AMY2A: variants seen among roughly 807,000 people sequenced by gnomAD.
AMY2A encodes amylase alpha 2A, also known as pancreatic alpha-amylase.
A neutral mutation model predicts 43.0 loss-of-function variants in AMY2A; 16 were observed. The ratio of observed to expected loss-of-function variants is 0.37; its 90% CI spans 0.25 to 0.56. The LOEUF is 0.56. AMY2A is among the 20% of genes least tolerant of loss of function. The pLI is 0.77. For missense variants in AMY2A, 212 were observed against 456.8 expected, an observed-to-expected ratio of 0.46 and a Z score of 4.89; for synonymous variants, 70 against 144.6, an observed-to-expected ratio of 0.48 and a Z score of 3.70.
At chr1:103,617,229 A>T (rs956759426), upstream of AMY2A, 1 of 1,171,798 alleles carries the variant, frequency 8.5e-7, no homozygotes. Flanking sequence ...CCTAAGAAAA[A>T]CATTAATATC....
At chr1:103,619,926 C>T in intron 4 of AMY2A, 142 bp downstream of exon 4, 1 of 1,433,018 alleles carries the variant, frequency 7.0e-7, no homozygotes. Flanking sequence ...CTCTTCTTCA[C>T]ATACAGCATA....
upstream of AMY2A, chr1:103,617,053 T>C: frequency 1.0e-6 from 1 of 989,776 alleles, no homozygotes; most frequent in Non-Finnish European, 1.3e-6. Context: ...GGTTCGCATT[T>C]ATACCTGTAA....
At position 103,618,845 on chromosome 1, in the gene AMY2A, C is replaced by A. The variant is rs1305531385; in HGVS notation, c.316-66C>A. ...GTTTTATTAACATACTATAAACTTG[C>A]ATCAATAATGCTTTAAATTTCTACC... On this transcript the variant is annotated intron_variant, in intron 2 of 9. Coordinates refer to ENST00000414303, the MANE Select transcript of AMY2A (RefSeq NM_000699.4). 40 of 613,670 alleles carry A rather than the reference C, an allele frequency of 6.5e-5. 5 individuals carry two copies. Among genetic ancestry groups the A allele is most frequent in the Non-Finnish European group, 1.1e-4 (38 of 341,730 alleles). 38.0% of individuals were successfully genotyped at this position (613,670 alleles called of 1,614,324 possible).
chr1:103,617,216 G>T (rs1377158523), upstream of AMY2A, among the ~76,000 whole-genome samples: 1 of 150,564 alleles, frequency 6.6e-6, no homozygotes, highest in African/African-American at 2.4e-5. Context: ...AGTGCTGCCA[G>T]AACCTAAGAA....
chr1:103,618,972 C>T lies in AMY2A; in HGVS notation c.377C>T (p.Thr126Ile), dbSNP rs1466103196. ...TGTGGTAACGCTGTGAGTGCAGGAA[C>T]AAGCAGTACCTGTGGAAGTTACTTC... Reference protein sequence around the residue: ...HMCGNAVSAGTSSTCGSYFNP... With the variant: ...HMCGNAVSAGISSTCGSYFNP... Residue 126 changes from threonine (T) to isoleucine (I), a missense_variant, in exon 3 of 10, where the codon ACA becomes ATA. Thr to Ile is a moderately conservative substitution (Grantham distance 89, BLOSUM62 -1). Coordinates refer to ENST00000414303, the MANE Select transcript of AMY2A (RefSeq NM_000699.4). The T allele has an allele frequency of 7.1e-7, 1 of 1,415,154 alleles. No individual in the cohort carries two copies. The highest frequency in any genetic ancestry group is 1.4e-5 in the South Asian group (1 of 74,060). The allele number at this position is 1,415,154 out of a possible 1,614,324, so 87.7% of individuals were successfully genotyped here. A position where few individuals can be genotyped will look rare whatever the true frequency, so the allele number is the denominator to read the frequency against.
intron 7 of AMY2A, among the ~76,000 whole-genome samples, chr1:103,623,337 G>T (rs1483276716): frequency 7.4e-6 from 1 of 134,402 alleles, no homozygotes; most frequent in Non-Finnish European, 1.6e-5. Context: ...TGCAGGCCAG[G>T]TGCAGTGGCT....
At position 103,617,561 on chromosome 1, in the gene AMY2A, C is replaced by A; in HGVS notation, c.121C>A (p.Leu41Ile). The A allele has an allele frequency of 1.2e-6, 2 of 1,600,786 alleles. No individual in the cohort carries two copies. The highest frequency in any genetic ancestry group is 1.7e-6 in the Non-Finnish European group (2 of 1,170,858). ...TGAATGGCGATGGGTTGATATTGCT[C>A]TTGAATGTGAGCGATATTTAGCTCC... ...LFEWRWVDIA[L>I]ECERYLAPKG... Residue 41 changes from leucine to isoleucine, a missense_variant, in exon 1 of 10, where the codon CTT becomes ATT. Coordinates refer to ENST00000414303, the MANE Select transcript of AMY2A (RefSeq NM_000699.4).
chr1:103,624,922 A>T lies in AMY2A; in HGVS notation c.1347-635A>T, dbSNP rs1451415734. On this transcript the variant is annotated intron_variant, in intron 9 of 9. Transcript: ENST00000414303. ...TTGTCCCTGTCCAAGACCAACTGAC[A>T]CTCATACTTAGCTCACTCTAGTATA... Among the ~76,000 whole-genome samples the T allele has an allele frequency of 4.6e-5, 6 of 131,312 alleles. 2 individuals are homozygous for T. Among genetic ancestry groups the T allele is most frequent in the South Asian group, 2.3e-4 (1 of 4,422 alleles). 86.1% of individuals were successfully genotyped at this position (131,312 alleles called of 152,430 possible).
intron 1 of AMY2A, 107 bp downstream of exon 1, chr1:103,617,715 A>C: frequency 6.3e-7 from 1 of 1,578,116 alleles, no homozygotes; most frequent in Non-Finnish European, 8.6e-7. Flanking sequence ...ACAGGTAAGT[A>C]TTCTAAGTAA....
chr1:103,618,188 T>C lies in AMY2A; in HGVS notation c.315+88T>C. On this transcript the variant is annotated intron_variant, in intron 2 of 9. Transcript: ENST00000414303. ...CTTGCTCCTTTTCAGCAGAAAATTT[T>C]CCGTATTTTATTTTTTTAATTTTAC... 2.7e-6 allele frequency: 4 copies of C among 1,508,610 alleles called. 1 individual carries two copies. The highest frequency in any genetic ancestry group is 1.4e-5 in the African/African-American group (1 of 71,660). The allele number at this position is 1,508,610 out of a possible 1,614,324, so 93.5% of individuals were successfully genotyped here.
At chr1:103,617,371 C>T (rs1653104814), upstream of AMY2A, 2 of 1,556,494 alleles carry the variant, frequency 1.3e-6, no homozygotes, top group Non-Finnish European at 1.8e-6. Context: ...CTAATATTTA[C>T]TTTGTAAAAT....
At chr1:103,618,803 T>A in intron 2 of AMY2A, 108 bp from the exon 3 acceptor site, 1 of 1,429,248 alleles carries the variant, frequency 7.0e-7, no homozygotes, top group Non-Finnish European at 9.5e-7. Flanking sequence ...TTATAAGATA[T>A]CATGAAATAT....
chr1:103,617,346 A>T, upstream of AMY2A: 1 of 1,547,792 alleles, frequency 6.5e-7, no homozygotes, highest in Non-Finnish European at 8.8e-7. Flanking sequence ...GTTTGCCCTC[A>T]AGTATTTATT....
At chr1:103,623,477 C>T (rs1182962057) in intron 7 of AMY2A, among the ~76,000 whole-genome samples, 2 of 79,064 alleles carry the variant, frequency 2.5e-5, no homozygotes, top group Non-Finnish European at 4.9e-5. Flanking sequence ...TAGCTGGTTG[C>T]GGTGGTGCAC....
upstream of AMY2A, chr1:103,617,257 G>A: frequency 7.7e-7 from 1 of 1,298,544 alleles, no homozygotes; most frequent in Non-Finnish European, 1.1e-6. Context: ...TCATTTAGAT[G>A]ATTTCCATGA....
intron 2 of AMY2A, 128 bp downstream of exon 2, chr1:103,618,228 C>T: frequency 7.2e-7 from 1 of 1,396,014 alleles, no homozygotes; most frequent in Non-Finnish European, 9.6e-7. Context: ...TAATTTAAAA[C>T]TCAAAATTAA....
At chr1:103,618,835 T>C in intron 2 of AMY2A, 76 bp from the exon 3 acceptor site, 2 of 664,230 alleles carry the variant, frequency 3.0e-6, no homozygotes, top group South Asian at 1.9e-5. Context: ...ATTAACATAC[T>C]ATAAACTTGC....
Position 103,619,056 on chromosome 1 carries a change from G to T in AMY2A, c.461G>T (p.Gly154Val). The T allele has an allele frequency of 1.6e-6, 2 of 1,289,538 alleles. No individual in the cohort carries two copies. Among genetic ancestry groups the T allele is most frequent in the Admixed American group, 2.9e-5 (1 of 34,538 alleles). 79.9% of individuals were successfully genotyped at this position (1,289,538 alleles called of 1,614,324 possible). A position where few individuals can be genotyped will look rare whatever the true frequency, so the allele number is the denominator to read the frequency against. The change falls in exon 3 of 10, where the codon GGT (glycine) becomes GTT (valine). Residue 154 changes from glycine to valine, a missense_variant. Gly to Val is a moderately radical substitution (Grantham distance 109). Coordinates refer to ENST00000414303, the MANE Select transcript of AMY2A (RefSeq NM_000699.4). ...VPYSGWDFND[G>V]KCKTGSGDIE... ...TATTCTGGATGGGATTTCAATGATG[G>T]TAAATGTAAAACTGGAAGTGGAGAT...
intron 2 of AMY2A, among the ~76,000 whole-genome samples, chr1:103,618,710 G>C (rs1570667379): frequency 2.0e-5 from 3 of 150,682 alleles, no homozygotes; most frequent in Admixed American, 2.0e-4. Context: ...ATAAATATTT[G>C]ACCAAGTGTC....
Sources: allele counts gnomAD v4.1 joint callset (sites outside exome capture counted in the v4.1 genomes callset), GRCh38; gene constraint gnomAD v4.1.1; transcripts MANE v1.5; gene names NCBI Gene and HGNC (gene_info 2026-07-23, HGNC 2026-07-21).